EMILIN2: variants seen among roughly 807,000 people sequenced by gnomAD.
EMILIN2 encodes elastin microfibril interfacer 2, also known as EMILIN-2.
EMILIN2 carries 71 observed loss-of-function variants against 87.1 expected under a neutral mutation model. That is an observed-to-expected ratio of 0.82 (90% CI 0.67 to 0.99). The LOEUF (loss-of-function observed/expected upper bound fraction) is 0.99. Among genes scored for constraint, EMILIN2 ranks in the 50% least tolerant of loss-of-function variants. The probability of loss-of-function intolerance (pLI) is 0.00; values close to 1 mark genes in which losing one functional copy is unlikely to be tolerated. For synonymous variants in EMILIN2, 581 were observed against 563.4 expected, an observed-to-expected ratio of 1.03 and a Z score of -0.44; for missense variants, 1,407 against 1,371.8, an observed-to-expected ratio of 1.03 and a Z score of -0.40.
At chr18:2,858,567 ATATGTGTGTG>A (rs1568454134) in intron 2 of EMILIN2, among the ~76,000 whole-genome samples, 6 of 58,770 alleles carry the variant, frequency 1.0e-4, no homozygotes, top group Non-Finnish European at 1.6e-4. Context: ...ATATATATAT[ATATGTGTGTG>A]TGTGTGTATA....
At chr18:2,899,642 T>C (rs1460565072) in intron 4 of EMILIN2, among the ~76,000 whole-genome samples, 1 of 152,004 alleles carries the variant, frequency 6.6e-6, no homozygotes, top group Admixed American at 6.5e-5. Context: ...ATAGCTGGGA[T>C]TACAGGCGCC....
chr18:2,868,455 A>AGAT (rs1315631233), intron 2 of EMILIN2, among the ~76,000 whole-genome samples: 18 of 152,144 alleles, frequency 1.2e-4, no homozygotes, highest in Admixed American at 8.5e-4. Context: ...GGCGGCTGGG[A>AGAT]GGTGGTTGCA....
At chr18:2,854,024 C>G (rs1010597577) in intron 2 of EMILIN2, among the ~76,000 whole-genome samples, 3 of 152,178 alleles carry the variant, frequency 2.0e-5, no homozygotes, top group African/African-American at 7.2e-5. Flanking sequence ...TGGGAGGTGT[C>G]TGGTCCACAG....
At chr18:2,881,242 C>T (rs1182537543) in intron 2 of EMILIN2, among the ~76,000 whole-genome samples, 3 of 152,192 alleles carry the variant, frequency 2.0e-5, no homozygotes, top group East Asian at 3.9e-4. Context: ...GCTTTCTCAC[C>T]GCAGGAGGTG....
chr18:2,867,707 T>C (rs1177019991), intron 2 of EMILIN2, among the ~76,000 whole-genome samples: 2 of 152,232 alleles, frequency 1.3e-5, no homozygotes, highest in African/African-American at 2.4e-5. Context: ...CAGAATAACT[T>C]TTCTTAGTAC....
rs1277162319 is a variant in EMILIN2, at chr18:2,894,078, C to T, written c.2359+1592C>T. Among the ~76,000 whole-genome samples, 8 of 152,250 alleles carry T rather than the reference C, an allele frequency of 5.3e-5. No homozygotes were observed. In the East Asian group the frequency reaches 1.5e-3, roughly 29 times the overall value. On this transcript the variant is annotated intron_variant, in intron 4 of 7. Coordinates refer to ENST00000254528, the MANE Select transcript of EMILIN2 (RefSeq NM_032048.3). This position sits in a 1 kb window ranked among gnomAD's most constrained non-coding sequence, Gnocchi z 5.0. ...GGTTCCGCTCTGGGTGACACAGGCC[C>T]TTGCACAAGGAACTGAGATTTCATG... is the stretch of plus-strand genomic sequence containing the variant.
intron 7 of EMILIN2, among the ~76,000 whole-genome samples, chr18:2,912,825 T>C (rs1008481319): frequency 2.6e-5 from 4 of 152,188 alleles, no homozygotes; most frequent in Admixed American, 6.5e-5. Context: ...CAATAAGGAA[T>C]GCCTCCAAGA....
chr18:2,891,191 G>A lies in EMILIN2; in HGVS notation c.1064G>A (p.Cys355Tyr), dbSNP rs564948082. The A allele has an allele frequency of 1.9e-6, 3 of 1,614,244 alleles. No individual in the cohort carries two copies. Among genetic ancestry groups the A allele is most frequent in the South Asian group, 1.1e-5 (1 of 91,090 alleles). The change falls in exon 4 of 8, where the codon TGT (cysteine) becomes TAT (tyrosine). Residue 355 changes from cysteine to tyrosine, a missense_variant. By Grantham distance (194) the Cys-to-Tyr change is radical. Coordinates refer to ENST00000254528, the MANE Select transcript of EMILIN2 (RefSeq NM_032048.3). This position sits in a 1 kb window ranked among gnomAD's most constrained non-coding sequence, Gnocchi z 4.6. ...EYKLTGLQQQCDDYGSSYLGV... is the reference protein window; with the variant it reads ...EYKLTGLQQQYDDYGSSYLGV... ...AAGCTCACTGGCCTCCAGCAGCAGT[G>A]TGATGACTATGGGAGCAGCTACCTG...
In EMILIN2 at chr18:2,891,059, A is replaced by G. The variant is rs1334017949; in HGVS notation, c.932A>G (p.Asn311Ser). The change falls in exon 4 of 8, where the codon AAC (asparagine) becomes AGC (serine). Residue 311 changes from asparagine (N) to serine (S), a missense_variant. Physicochemically the swap from Asn to Ser is conservative, Grantham distance 46. Transcript: ENST00000254528. This position sits in a 1 kb window ranked among gnomAD's most constrained non-coding sequence, Gnocchi z 4.6. ...GGCCCGACGGTGACCATGACAACCA[A>G]CGAACTCTACCAAGCCTATGTGGAC... ...AQGPTVTMTT[N>S]ELYQAYVDSK... 6.2e-7 allele frequency: 1 copy of G among 1,614,172 alleles called. No homozygotes were observed. The highest frequency in any genetic ancestry group is 1.6e-4 in the Middle Eastern group (1 of 6,062).
intron 4 of EMILIN2, among the ~76,000 whole-genome samples, chr18:2,898,162 G>A (rs752392949): frequency 2.0e-5 from 3 of 152,146 alleles, no homozygotes; most frequent in Admixed American, 6.5e-5. Context: ...ACCCCCACTC[G>A]AGTCTGAGTG....
At chr18:2,866,917 A>G (rs1313150587) in intron 2 of EMILIN2, among the ~76,000 whole-genome samples, 2 of 152,166 alleles carry the variant, frequency 1.3e-5, no homozygotes, top group African/African-American at 4.8e-5. Flanking sequence ...GCAATGCTGG[A>G]TTTTATTAAA....
intron 2 of EMILIN2, among the ~76,000 whole-genome samples, chr18:2,860,679 A>G (rs1230839950): frequency 6.6e-6 from 1 of 152,210 alleles, no homozygotes; most frequent in Non-Finnish European, 1.5e-5. Flanking sequence ...GCTATTGTGA[A>G]TAGTGCCACA....
chr18:2,857,389 G>A (rs766450618), intron 2 of EMILIN2, among the ~76,000 whole-genome samples: 47 of 152,178 alleles, frequency 3.1e-4, no homozygotes, highest in Non-Finnish European at 1.9e-4. Flanking sequence ...CAGAAGACAA[G>A]GCACAAGATG....
At chr18:2,862,142 G>A (rs900353615) in intron 2 of EMILIN2, among the ~76,000 whole-genome samples, 21 of 152,240 alleles carry the variant, frequency 1.4e-4, no homozygotes, top group East Asian at 5.8e-4. Context: ...GGCTGAGACA[G>A]TGGGGTTTTC....
In EMILIN2 at chr18:2,915,422, T is replaced by C. The variant is rs542209117; in HGVS notation, c.*2018T>C. 7 of 152,176 alleles carry C rather than the reference T, an allele frequency of 4.6e-5. No individual in the cohort carries two copies. The highest frequency in any genetic ancestry group is 1.2e-4 in the African/African-American group (5 of 41,480). 9.4% of individuals were successfully genotyped at this position (152,176 alleles called of 1,614,324 possible). A position where few individuals can be genotyped will look rare whatever the true frequency, so the allele number is the denominator to read the frequency against. The stretch of plus-strand genomic sequence containing the variant: ...GTCAGCTGAGCTTAAGGCTGTGGGG[T>C]TCGAAGCAGCCCTTCAAGAAGTCAT... On this transcript the variant is annotated 3_prime_UTR_variant, in exon 8 of 8. Transcript: ENST00000254528.
intron 2 of EMILIN2, among the ~76,000 whole-genome samples, chr18:2,864,129 G>A (rs2076674668): frequency 6.6e-6 from 1 of 152,092 alleles, no homozygotes; most frequent in South Asian, 2.1e-4. Flanking sequence ...CACATGAGAT[G>A]GGTTTCCTGA....
chr18:2,909,715 C>T lies in EMILIN2; in HGVS notation c.2720C>T (p.Ser907Phe). The T allele has an allele frequency of 6.2e-7, 1 of 1,614,088 alleles. No homozygotes were observed. Among genetic ancestry groups the T allele is most frequent in the Non-Finnish European group, 8.5e-7 (1 of 1,179,950 alleles). ...SPGAPVPSLV[S>F]FSAGLTQKPF... ...GGAGCTCCGGTGCCTTCTCTGGTGT[C>T]TTTTTCTGCGGGGCTCACCCAGAAG... is the stretch of plus-strand genomic sequence containing the variant. Residue 907 changes from serine to phenylalanine, a missense_variant, in exon 7 of 8, where the codon TCT becomes TTT. By Grantham distance (155) the Ser-to-Phe change is radical. Coordinates refer to ENST00000254528, the MANE Select transcript of EMILIN2 (RefSeq NM_032048.3).
Position 2,885,003 on chromosome 18 carries a change from T to C in EMILIN2, c.297T>C (p.Tyr99=). ...VNFRPRYVTR[Y]KTVTQLEWRC... is the part of the protein sequence containing the mutation. ...TCAGACCTAGATATGTCACTAGGTA[T>C]AAGACAGTGACACAGTTGGAATGGA... Residue 99 remains tyrosine (Y), a synonymous_variant, in exon 3 of 8, where the codon TAT becomes TAC. Coordinates refer to ENST00000254528, the MANE Select transcript of EMILIN2 (RefSeq NM_032048.3). 1 of 1,613,444 alleles carries C rather than the reference T, an allele frequency of 6.2e-7. No homozygotes were observed. Among genetic ancestry groups the C allele is most frequent in the Non-Finnish European group, 8.5e-7 (1 of 1,179,714 alleles).
At chr18:2,896,907 C>T (rs754585061) in intron 4 of EMILIN2, among the ~76,000 whole-genome samples, 9 of 149,374 alleles carry the variant, frequency 6.0e-5, no homozygotes, top group African/African-American at 1.7e-4. Flanking sequence ...GAGGCTCAGA[C>T]GGGTGTATCG....
Sources: gnomAD v4.1 joint callset for allele counts (sites outside exome capture counted in the v4.1 genomes callset) on GRCh38, gnomAD v4.1.1 for gene constraint, Gnocchi (gnomAD v3.1) non-coding constraint, MANE v1.5 for transcripts, NCBI Gene and HGNC (gene_info 2026-07-23, HGNC 2026-07-21) for gene names.